PRMT8: variants seen among roughly 807,000 people sequenced by gnomAD.
PRMT8 encodes protein arginine N-methyltransferase 8.
PRMT8 carries 7 observed loss-of-function variants against 47.1 expected under a neutral mutation model. That is an observed-to-expected ratio of 0.15 (90% confidence interval 0.08 to 0.28). The LOEUF (loss-of-function observed/expected upper bound fraction) is 0.28, where lower values mean the gene tolerates loss of function less well. Among genes scored for constraint, PRMT8 ranks in the 10% least tolerant of loss-of-function variants. PRMT8 has a pLI of 1.00. For synonymous variants in PRMT8, 188 were observed against 186.5 expected, an observed-to-expected ratio of 1.01 and a Z score of -0.07; for missense variants, 237 against 505.4, an observed-to-expected ratio of 0.47 and a Z score of 5.09.
At chr12:3,423,114 C>T (rs1166893013) in intron 1 of PRMT8, among the ~76,000 whole-genome samples, 2 of 152,220 alleles carry the variant, frequency 1.3e-5, no homozygotes, top group African/African-American at 4.8e-5. Context: ...AACATGGCCC[C>T]AGGATCAAAT....
chr12:3,549,813 T>C, intron 2 of PRMT8, 123 bp from the exon 3 acceptor site: 1 of 1,115,094 alleles, frequency 9.0e-7, no homozygotes, highest in Non-Finnish European at 1.3e-6. Context: ...TCTGTGGCTC[T>C]GCCTGATGAT....
Position 3,557,420 on chromosome 12 carries a change from G to A in PRMT8, c.481+3706G>A, listed in dbSNP as rs772104167. Among the ~76,000 whole-genome samples the A allele has an allele frequency of 1.1e-4, 16 of 152,108 alleles. No individual in the cohort carries two copies. The highest frequency in any genetic ancestry group is 2.1e-4 in the Non-Finnish European group (14 of 68,012). ...TGTGACAAAGGCTGGGGCGAGGGGC[G>A]GGCAGCATGTCTAGTGGCCACAAGT... On this transcript the variant is annotated intron_variant, in intron 4 of 9. Transcript: ENST00000382622. The surrounding 1 kb of genome is among the most constrained non-coding windows in gnomAD (Gnocchi z 4.7).
At position 3,453,038 on chromosome 12, in the gene PRMT8, G is replaced by A. The variant is rs1356191142; in HGVS notation, c.48+71596G>A. Among the ~76,000 whole-genome samples the A allele has an allele frequency of 1.3e-5, 2 of 152,174 alleles. No individual in the cohort carries two copies. The highest frequency in any genetic ancestry group is 2.4e-5 in the African/African-American group (1 of 41,440). On this transcript the variant is annotated intron_variant, in intron 1 of 9. Coordinates refer to the PRMT8 transcript ENST00000452611. The surrounding 1 kb of genome is among the most constrained non-coding windows in gnomAD (Gnocchi z 4.9). ...GCTTACAGCCTAAGAGGGGAGGGAA[G>A]CTAAACCCTGGACTGGGATCACATG... is the stretch of plus-strand genomic sequence containing the variant.
At chr12:3,426,800 G>C (rs568249996) in intron 1 of PRMT8, among the ~76,000 whole-genome samples, 133 of 152,004 alleles carry the variant, frequency 8.7e-4, no homozygotes, top group Admixed American at 1.5e-3. Context: ...AGGGGGTGGC[G>C]CTTTCTTGAC....
chr12:3,534,008 C>T lies in PRMT8; in HGVS notation c.76-6598C>T, dbSNP rs74056110. 1.1e-3 allele frequency among the ~76,000 whole-genome samples: 169 copies of T among 152,268 alleles called. 1 individual carries two copies. The highest frequency in any genetic ancestry group is 3.8e-3 in the African/African-American group (159 of 41,562). On this transcript the variant is annotated intron_variant, in intron 1 of 9. Coordinates refer to ENST00000382622, the MANE Select transcript of PRMT8 (RefSeq NM_019854.5). ...GAGAGGTGTGGTGAGTGTCTAAGGGCGACACTGGGCAGAGGGGCTGGCACG... is the reference window on the plus strand; with the variant it reads ...GAGAGGTGTGGTGAGTGTCTAAGGGTGACACTGGGCAGAGGGGCTGGCACG...
chr12:3,593,247 C>A lies in PRMT8; in HGVS notation c.*65C>A. 2 of 1,346,084 alleles carry A rather than the reference C, an allele frequency of 1.5e-6. No individual in the cohort carries two copies. The highest frequency in any genetic ancestry group is 2.3e-5 in the East Asian group (1 of 42,670). The allele number at this position is 1,346,084 out of a possible 1,614,324, so 83.4% of individuals were successfully genotyped here. A position where few individuals can be genotyped will look rare whatever the true frequency, so the allele number is the denominator to read the frequency against. On this transcript the variant is annotated 3_prime_UTR_variant, in exon 10 of 10. Transcript: ENST00000382622. The surrounding 1 kb of genome is among the most constrained non-coding windows in gnomAD (Gnocchi z 4.8). ...TCTCACCTCGATCTGCCGTGCCGTCCCAAAGAATACCGTTTGCAGGACTAC... is the reference window on the plus strand; with the variant it reads ...TCTCACCTCGATCTGCCGTGCCGTCACAAAGAATACCGTTTGCAGGACTAC...
At chr12:3,398,962 A>G (rs541287404) in intron 1 of PRMT8, among the ~76,000 whole-genome samples, 5 of 152,254 alleles carry the variant, frequency 3.3e-5, no homozygotes, top group Admixed American at 3.3e-4. Flanking sequence ...GTCAAAGTGA[A>G]AGCTGTCAGC....
At chr12:3,496,214 A>ATATATATATATATATATATATATATTT in intron 1 of PRMT8, among the ~76,000 whole-genome samples, 1 of 27,776 alleles carries the variant, frequency 3.6e-5, no homozygotes, top group Non-Finnish European at 7.9e-5. Flanking sequence ...ATATATATAT[A>ATATATATATATATATATATATATATTT]TTTTTTTTTT....
At chr12:3,530,081 C>T (rs1235337943) in intron 1 of PRMT8, among the ~76,000 whole-genome samples, 3 of 152,188 alleles carry the variant, frequency 2.0e-5, no homozygotes, top group Non-Finnish European at 2.9e-5. Context: ...AGATAAGACA[C>T]TTCTTGGTAA....
intron 1 of PRMT8, among the ~76,000 whole-genome samples, chr12:3,400,645 G>A (rs902141662): frequency 2.0e-5 from 3 of 152,076 alleles, no homozygotes; most frequent in Admixed American, 1.3e-4. Flanking sequence ...GGGACTCCTC[G>A]CTAACTCATT....
chr12:3,523,717 A>T (rs1034183318), intron 1 of PRMT8, among the ~76,000 whole-genome samples: 9 of 152,192 alleles, frequency 5.9e-5, no homozygotes, highest in Non-Finnish European at 1.3e-4. Flanking sequence ...ACCAATCCCA[A>T]AGGCAGGCAT....
intron 1 of PRMT8, among the ~76,000 whole-genome samples, chr12:3,428,414 T>C (rs1864630771): frequency 6.6e-6 from 1 of 152,196 alleles, no homozygotes. Context: ...TCCGTTAGTG[T>C]AGCAGTTGCT....
chr12:3,559,428 G>A (rs372676560), intron 4 of PRMT8, among the ~76,000 whole-genome samples: 3 of 152,252 alleles, frequency 2.0e-5, no homozygotes, highest in South Asian at 2.1e-4. Context: ...TGTTTCACTG[G>A]GGAGAGCTGG....
intron 4 of PRMT8, 116 bp downstream of exon 4, chr12:3,553,830 C>A: frequency 1.0e-6 from 1 of 981,196 alleles, no homozygotes; most frequent in Non-Finnish European, 1.6e-6. Context: ...GGAGGTGGTG[C>A]ACCCAGCTGA....
In PRMT8 at chr12:3,580,024, G is replaced by A. The variant is rs1043320033; in HGVS notation, c.829-3034G>A. Among the ~76,000 whole-genome samples the A allele has an allele frequency of 6.6e-6, 1 of 152,048 alleles. No homozygotes were observed. Among genetic ancestry groups the A allele is most frequent in the East Asian group, 1.9e-4 (1 of 5,162 alleles). The stretch of plus-strand genomic sequence containing the variant: ...GGTAACTGGGGCTGATTTGGTTGGG[G>A]GTTGGGGAACCTGAGCCCAGAGGAC... On this transcript the variant is annotated intron_variant, in intron 7 of 9. Coordinates refer to ENST00000382622, the MANE Select transcript of PRMT8 (RefSeq NM_019854.5). This position sits in a 1 kb window ranked among gnomAD's most constrained non-coding sequence, Gnocchi z 4.6.
intron 1 of PRMT8, among the ~76,000 whole-genome samples, chr12:3,444,381 C>A (rs1046904520): frequency 2.6e-5 from 4 of 152,190 alleles, no homozygotes; most frequent in African/African-American, 9.7e-5. Flanking sequence ...GACACTTAGC[C>A]CAGGTAACAG....
intron 1 of PRMT8, among the ~76,000 whole-genome samples, chr12:3,510,011 G>GC (rs1359809384): frequency 2.6e-5 from 4 of 152,230 alleles, no homozygotes; most frequent in Non-Finnish European, 5.9e-5. Flanking sequence ...ACTGTAGGGA[G>GC]CCCCTGAAAA....
At chr12:3,439,672 C>T (rs1864778683) in intron 1 of PRMT8, among the ~76,000 whole-genome samples, 1 of 152,142 alleles carries the variant, frequency 6.6e-6, no homozygotes, top group Admixed American at 6.5e-5. Flanking sequence ...TTCACAGCAA[C>T]TGCTGTTGTT....
Position 3,446,383 on chromosome 12 carries a change from G to A in PRMT8, c.48+64941G>A, listed in dbSNP as rs375132951. Among the ~76,000 whole-genome samples, 16 of 152,082 alleles carry A rather than the reference G, an allele frequency of 1.1e-4. No homozygotes were observed. In the East Asian group the frequency reaches 2.1e-3, roughly 20 times the overall value. On this transcript the variant is annotated intron_variant, in intron 1 of 9. Coordinates refer to the PRMT8 transcript ENST00000452611. ...TCGACCTGCAGACTACTGTGAGCCG[G>A]CTCTCTCTGTGGGCACCGCCTCGGC...
Sources: gnomAD v4.1 joint callset for allele counts (sites outside exome capture counted in the v4.1 genomes callset) on GRCh38, gnomAD v4.1.1 for gene constraint, Gnocchi (gnomAD v3.1) non-coding constraint, MANE v1.5 for transcripts, NCBI Gene and HGNC (gene_info 2026-07-23, HGNC 2026-07-21) for gene names.